Variants in KLF12 observed in about 807,000 individuals in gnomAD.
The protein encoded by KLF12 is Krueppel-like factor 12.
Under a neutral mutation model 37.8 loss-of-function variants are expected in KLF12, and 9 were observed. The ratio of observed to expected loss-of-function variants is 0.24; its 90% CI spans 0.14 to 0.42. KLF12 has a LOEUF of 0.42. Ranked by LOEUF, KLF12 falls within the 10% of genes least tolerant of loss-of-function variation. KLF12 has a pLI of 1.00. For synonymous variants in KLF12, 208 were observed against 202.1 expected (o/e 1.03, Z -0.25); for missense variants, 411 against 516.0 (o/e 0.80, Z 1.97).
intron 3 of KLF12, among the ~76,000 whole-genome samples, chr13:73,913,056 G>T (rs145286768): frequency 3.8e-4 from 58 of 152,202 alleles, no homozygotes; most frequent in African/African-American, 1.3e-3. Flanking sequence ...CCCAAGCAGG[G>T]CACACATTTC....
chr13:73,812,171 T>A (rs1882972691), intron 5 of KLF12, among the ~76,000 whole-genome samples: 1 of 152,074 alleles, frequency 6.6e-6, no homozygotes, highest in Admixed American at 6.6e-5. Context: ...TGTGGAAGAT[T>A]TTTTAAAAAG....
chr13:73,805,068 A>G (rs779134111), intron 5 of KLF12, among the ~76,000 whole-genome samples: 1 of 152,206 alleles, frequency 6.6e-6, no homozygotes, highest in Non-Finnish European at 1.5e-5. Flanking sequence ...AAGTTTTTCC[A>G]TCAAAGGGTG....
At chr13:73,731,214 G>A (rs1244717566) in intron 6 of KLF12, among the ~76,000 whole-genome samples, 2 of 152,126 alleles carry the variant, frequency 1.3e-5, no homozygotes, top group African/African-American at 4.8e-5. Flanking sequence ...CCCAGCAGCT[G>A]AGCATGGATG....
At chr13:73,756,674 T>C (rs1175436132) in intron 6 of KLF12, among the ~76,000 whole-genome samples, 1 of 152,148 alleles carries the variant, frequency 6.6e-6, no homozygotes, top group African/African-American at 2.4e-5. Flanking sequence ...GTCTTTCCCA[T>C]CATTTTTTGG....
At chr13:74,257,395 G>A in the KLF12 span, 1 of 152,196 alleles carries the variant, frequency 6.6e-6, no homozygotes, top group Non-Finnish European at 1.5e-5. Flanking sequence ...AGCATGGCAC[G>A]AGGAGAAGCA....
the KLF12 span, among the ~76,000 whole-genome samples, chr13:74,207,026 A>G: frequency 1 from 152,253 of 152,322 alleles, 76,092 homozygotes; most frequent in Middle Eastern, 1. Flanking sequence ...TCTAGAGGCC[A>G]TGAAGTCCAA....
intron 6 of KLF12, among the ~76,000 whole-genome samples, chr13:73,738,910 T>C (rs754844021): frequency 7.9e-5 from 12 of 152,164 alleles, no homozygotes; most frequent in Non-Finnish European, 1.8e-4. Flanking sequence ...AGGGCCTCAA[T>C]GCCTCAGTTT....
intron 6 of KLF12, among the ~76,000 whole-genome samples, chr13:73,762,539 A>G (rs983535108): frequency 6.6e-6 from 1 of 152,132 alleles, no homozygotes; most frequent in Non-Finnish European, 1.5e-5. Context: ...TTATTTGATG[A>G]ACACAATTTT....
At chr13:74,164,019 T>C in the KLF12 span, among the ~76,000 whole-genome samples, 15 of 152,152 alleles carry the variant, frequency 9.9e-5, no homozygotes, top group East Asian at 2.9e-3. Context: ...GCAGGTAAAT[T>C]TCAGGAAAGG....
the KLF12 span, among the ~76,000 whole-genome samples, chr13:74,165,554 C>T: frequency 6.6e-6 from 1 of 152,170 alleles, no homozygotes; most frequent in South Asian, 2.1e-4. Context: ...TCACCTCAGC[C>T]TCCCAGAGTG....
At chr13:73,872,497 G>A (rs146194805) in intron 3 of KLF12, among the ~76,000 whole-genome samples, 14 of 152,270 alleles carry the variant, frequency 9.2e-5, no homozygotes, top group Non-Finnish European at 1.8e-4. Context: ...CATGAGAACT[G>A]GCAATGGGAA....
chr13:74,248,165 G>A, the KLF12 span, among the ~76,000 whole-genome samples: 10 of 152,108 alleles, frequency 6.6e-5, no homozygotes, highest in Non-Finnish European at 1.2e-4. Context: ...GTTGTATTCT[G>A]GTTTTGTACA....
In KLF12 at chr13:74,132,187, G is replaced by A. The variant is rs183430050; in HGVS notation, c.-32+1552C>T. ...GTTCTAAAAGCGTTTCTTAGAAGAC[G>A]GTATACACCCACTCCTCAAAGTGAC... On this transcript the variant is annotated intron_variant, in intron 1 of 7. Transcript: ENST00000377669. Among the ~76,000 whole-genome samples the A allele has an allele frequency of 1.1e-3, 166 of 152,142 alleles. 1 individual carries two copies. Among genetic ancestry groups the A allele is most frequent in the African/African-American group, 3.9e-3 (161 of 41,496 alleles).
intron 2 of KLF12, among the ~76,000 whole-genome samples, chr13:73,981,691 A>G (rs1891692424): frequency 6.6e-6 from 1 of 152,152 alleles, no homozygotes; most frequent in African/African-American, 2.4e-5. Context: ...TTCGTGTTGA[A>G]TCCTAATCTC....
intron 3 of KLF12, among the ~76,000 whole-genome samples, chr13:73,901,543 T>C (rs1011860677): frequency 6.6e-6 from 1 of 152,044 alleles, no homozygotes; most frequent in Non-Finnish European, 1.5e-5. Context: ...GCTCACTCTG[T>C]CCTGATGGTT....
chr13:73,911,934 A>T (rs1025874240), intron 3 of KLF12, among the ~76,000 whole-genome samples: 1 of 152,186 alleles, frequency 6.6e-6, no homozygotes, highest in Non-Finnish European at 1.5e-5. Flanking sequence ...ATGTTTCTGT[A>T]GGATACAATG....
intron 3 of KLF12, among the ~76,000 whole-genome samples, chr13:73,908,572 C>T (rs1888423550): frequency 6.6e-6 from 1 of 151,332 alleles, no homozygotes; most frequent in Non-Finnish European, 1.5e-5. Flanking sequence ...CCTCCACCTC[C>T]TGGGTTCAAG....
chr13:74,160,701 A>T, the KLF12 span, among the ~76,000 whole-genome samples: 1 of 152,192 alleles, frequency 6.6e-6, no homozygotes, highest in Non-Finnish European at 1.5e-5. Flanking sequence ...GAAAGGGAAG[A>T]AACCTGTGGA....
chr13:74,216,451 T>C, the KLF12 span, among the ~76,000 whole-genome samples: 1 of 152,042 alleles, frequency 6.6e-6, no homozygotes, highest in South Asian at 2.1e-4. Context: ...CCATAGAGAT[T>C]CTGATGAGGA....
Sources: gnomAD v4.1 joint callset for allele counts (sites outside exome capture counted in the v4.1 genomes callset) on GRCh38, gnomAD v4.1.1 for gene constraint, MANE v1.5 for transcripts, NCBI Gene and HGNC (gene_info 2026-07-23, HGNC 2026-07-21) for gene names.